The following SKA1 variants were observed in gnomAD, a reference collection of about 807,000 sequenced individuals.
SKA1 encodes the protein spindle and kinetochore associated complex subunit 1.
SKA1 carries 20 observed loss-of-function variants against 31.8 expected under a neutral mutation model. The ratio of observed to expected loss-of-function variants is 0.63; its 90% CI spans 0.44 to 0.91. SKA1 has a LOEUF of 0.91. Among genes scored for constraint, SKA1 ranks in the 40% least tolerant of loss-of-function variants. The pLI is 0.00. For missense variants in SKA1, 253 were observed against 298.2 expected (o/e 0.85, Z 1.12); for synonymous variants, 88 against 100.5 (o/e 0.88, Z 0.74).
chr18:50,384,871 T>TAAAAAAAAAAAAAAAAAAAAAG (rs10608403), intron 4 of SKA1, among the ~76,000 whole-genome samples: 1 of 82,600 alleles, frequency 1.2e-5, no homozygotes, highest in South Asian at 4.2e-4. Context: ...AAAAAAAAAT[T>TAAAAAAAAAAAAAAAAAAAAAG]AAAAAAAAAA....
chr18:50,381,789 G>C (rs61617551), intron 3 of SKA1, among the ~76,000 whole-genome samples: 5 of 143,866 alleles, frequency 3.5e-5, no homozygotes, highest in African/African-American at 1.3e-4. Context: ...GCAGTGGCGC[G>C]ATCTCAGCTC....
chr18:50,393,045 AG>A lies in SKA1; in HGVS notation c.*799del, dbSNP rs1277333939. The stretch of plus-strand genomic sequence containing the variant: ...CGCCCGGCCAACTTATATATTTTCA[AG>A]ATTCACCTCCTCTCACCAAATATTT... On this transcript the variant is annotated 3_prime_UTR_variant, in exon 7 of 7. Coordinates refer to ENST00000285116, the MANE Select transcript of SKA1 (RefSeq NM_145060.4). 1.3e-5 allele frequency: 2 copies of A among 152,292 alleles called. No homozygotes were observed. Among genetic ancestry groups the A allele is most frequent in the African/African-American group, 4.8e-5 (2 of 41,448 alleles). 9.4% of individuals were successfully genotyped at this position (152,292 alleles called of 1,614,324 possible).
At position 50,380,675 on chromosome 18, in the gene SKA1, C is replaced by T. The variant is rs181386957; in HGVS notation, c.213+425C>T. On this transcript the variant is annotated intron_variant, in intron 3 of 6. Coordinates refer to ENST00000285116, the MANE Select transcript of SKA1 (RefSeq NM_145060.4). ...TGAAAAAATAATGGATCATATTGAA[C>T]TGTTTCTTAGCTCCCTTATATGTCT... 1.9e-3 allele frequency among the ~76,000 whole-genome samples: 291 copies of T among 152,226 alleles called. 2 individuals carry two copies. Among genetic ancestry groups the T allele is most frequent in the Non-Finnish European group, 3.8e-4 (26 of 68,028 alleles).
At chr18:50,392,068 T>TAA (rs1395717247) in intron 6 of SKA1, 31 bp from the exon 7 acceptor site, 3 of 1,516,680 alleles carry the variant, frequency 2.0e-6, no homozygotes, top group Admixed American at 2.3e-5. Flanking sequence ...GTTGGCCTTA[T>TAA]AAAAATTAGC....
chr18:50,386,923 C>T (rs773354976), intron 5 of SKA1, among the ~76,000 whole-genome samples: 7 of 152,192 alleles, frequency 4.6e-5, no homozygotes, highest in Non-Finnish European at 7.3e-5. Flanking sequence ...TTTATTCATT[C>T]ACCTATTGAA....
intron 5 of SKA1, among the ~76,000 whole-genome samples, chr18:50,385,938 TTTC>T (rs1416277189): frequency 6.6e-6 from 1 of 152,238 alleles, no homozygotes; most frequent in African/African-American, 2.4e-5. Context: ...TTATGTTACA[TTTC>T]TTGTTACCTT....
intron 4 of SKA1, among the ~76,000 whole-genome samples, chr18:50,384,869 A>AAT (rs371461950): frequency 0.086 from 9,525 of 111,288 alleles, 465 homozygotes; most frequent in Non-Finnish European, 0.11. Context: ...AAAAAAAAAA[A>AAT]TTAAAAAAAA....
At chr18:50,382,251 G>T in intron 4 of SKA1, 25 bp downstream of exon 4, 1 of 1,347,412 alleles carries the variant, frequency 7.4e-7, no homozygotes, top group East Asian at 2.8e-5. Context: ...AATTATTCTT[G>T]CTATCTGGAT....
chr18:50,375,951 T>C (rs1435432974), intron 2 of SKA1, 33 bp downstream of exon 2: 1 of 1,349,026 alleles, frequency 7.4e-7, no homozygotes, highest in South Asian at 1.2e-5. Flanking sequence ...ACTTTGTATA[T>C]ACAAAATGCA....
At position 50,382,189 on chromosome 18, in the gene SKA1, C is replaced by G. The variant is rs767193612; in HGVS notation, c.274C>G (p.Pro92Ala). Residue 92 changes from proline (P) to alanine (A), a missense_variant, in exon 4 of 7, where the codon CCT becomes GCT. By Grantham distance (27) the Pro-to-Ala change is conservative. Transcript: ENST00000285116. ...CATAGAACATCTTAAAGAAAACGTT[C>G]CTTCCCATTTGCCTCAAGTAACAGT... is the stretch of plus-strand genomic sequence containing the variant. ...KDIEHLKENV[P>A]SHLPQVTVTQ... The G allele has an allele frequency of 2.0e-6, 3 of 1,533,904 alleles. No homozygotes were observed. Among genetic ancestry groups the G allele is most frequent in the Admixed American group, 2.4e-5 (1 of 41,320 alleles).
intron 4 of SKA1, among the ~76,000 whole-genome samples, chr18:50,384,991 A>G (rs1297200495): frequency 6.6e-6 from 1 of 152,008 alleles, no homozygotes; most frequent in Non-Finnish European, 1.5e-5. Context: ...TGTTACACGT[A>G]AATAAATGTA....
chr18:50,391,652 T>G (rs1482608255), intron 6 of SKA1, among the ~76,000 whole-genome samples: 1 of 152,206 alleles, frequency 6.6e-6, no homozygotes, highest in Non-Finnish European at 1.5e-5. Context: ...TGAATAGTAA[T>G]GATAATAGCT....
intron 6 of SKA1, among the ~76,000 whole-genome samples, chr18:50,391,702 G>C (rs1395387023): frequency 6.6e-6 from 1 of 152,200 alleles, no homozygotes; most frequent in Non-Finnish European, 1.5e-5. Context: ...GGCAGAGAGT[G>C]TGCCAAGAGC....
intron 5 of SKA1, among the ~76,000 whole-genome samples, chr18:50,387,733 A>G (rs1035728953): frequency 2.0e-5 from 3 of 152,140 alleles, no homozygotes; most frequent in Non-Finnish European, 4.4e-5. Flanking sequence ...CTTCTGTAGA[A>G]TTTCCATCTC....
chr18:50,384,322 T>C (rs1193599313), intron 4 of SKA1, among the ~76,000 whole-genome samples: 1 of 152,186 alleles, frequency 6.6e-6, no homozygotes, highest in East Asian at 1.9e-4. Context: ...TACTGTTTCT[T>C]ATATCTGGTG....
At chr18:50,385,157 G>C in intron 4 of SKA1, 59 bp from the exon 5 acceptor site, 1 of 1,383,188 alleles carries the variant, frequency 7.2e-7, no homozygotes, top group South Asian at 1.5e-5. Flanking sequence ...TGGGAAAACT[G>C]TCAGTATGCT....
intron 2 of SKA1, among the ~76,000 whole-genome samples, chr18:50,376,584 A>T (rs903982971): frequency 1.3e-5 from 2 of 152,174 alleles, no homozygotes; most frequent in African/African-American, 4.8e-5. Flanking sequence ...CTAGGACATC[A>T]CTGTATACTA....
chr18:50,387,901 C>G (rs1445995113), intron 5 of SKA1, among the ~76,000 whole-genome samples: 1 of 152,136 alleles, frequency 6.6e-6, no homozygotes, highest in Non-Finnish European at 1.5e-5. Context: ...GTATTTTTAT[C>G]TTATGCCTAG....
chr18:50,389,150 C>T (rs1030707168), intron 5 of SKA1, among the ~76,000 whole-genome samples: 9 of 152,082 alleles, frequency 5.9e-5, no homozygotes, highest in African/African-American at 1.4e-4. Flanking sequence ...GCTCTTGACA[C>T]GTCAGAGTGC....
Sources: allele counts gnomAD v4.1 joint callset (sites outside exome capture counted in the v4.1 genomes callset), GRCh38; gene constraint gnomAD v4.1.1; transcripts MANE v1.5; gene names NCBI Gene and HGNC (gene_info 2026-07-23, HGNC 2026-07-21).